Variants in ABCA8 observed in about 807,000 individuals in gnomAD.
The protein encoded by ABCA8 is ABC-type organic anion transporter ABCA8.
A neutral mutation model predicts 192.3 loss-of-function variants in ABCA8; 177 were observed. The ratio of observed to expected loss-of-function variants is 0.92; its 90% CI spans 0.81 to 1.04. The LOEUF is 1.04. Among genes scored for constraint, ABCA8 ranks in the 50% least tolerant of loss-of-function variants. ABCA8 has a pLI of 0.00. For missense variants in ABCA8, 1,915 were observed against 1,904.8 expected, an observed-to-expected ratio of 1.01 and a Z score of -0.10; for synonymous variants, 642 against 690.2, an observed-to-expected ratio of 0.93 and a Z score of 1.09.
intron 4 of ABCA8, among the ~76,000 whole-genome samples, chr17:68,940,421 TCA>T (rs1162931258): frequency 6.6e-6 from 1 of 152,048 alleles, no homozygotes; most frequent in Non-Finnish European, 1.5e-5. Flanking sequence ...GCTTTCAGAG[TCA>T]CATGTCAACA....
At chr17:68,904,887 A>G (rs1296210693) in intron 19 of ABCA8, among the ~76,000 whole-genome samples, 1 of 152,244 alleles carries the variant, frequency 6.6e-6, no homozygotes, top group Non-Finnish European at 1.5e-5. Flanking sequence ...AGAGATGTAT[A>G]CTAACAAATA....
At position 68,929,118 on chromosome 17, in the gene ABCA8, G is replaced by A; in HGVS notation, c.1056C>T (p.His352=). The A allele has an allele frequency of 6.2e-7, 1 of 1,608,900 alleles. No individual in the cohort carries two copies. The highest frequency in any genetic ancestry group is 1.1e-5 in the South Asian group (1 of 89,844). Residue 352 remains histidine, a synonymous_variant, in exon 9 of 40, where the codon CAC becomes CAT. Coordinates refer to ENST00000586539, the MANE Select transcript of ABCA8 (RefSeq NM_001288985.2). ...GCLGFTSLYR[H]LPASLEWILS... is the part of the protein sequence containing the mutation. ...AAATCCACTCCAAGGATGCAGGAAGGTGTCTGTACAGTGATGTGAACCCCA... is the reference window on the plus strand; with the variant it reads ...AAATCCACTCCAAGGATGCAGGAAGATGTCTGTACAGTGATGTGAACCCCA...
At chr17:68,942,621 G>A (rs1027495715) in intron 2 of ABCA8, among the ~76,000 whole-genome samples, 7 of 151,510 alleles carry the variant, frequency 4.6e-5, no homozygotes, top group Non-Finnish European at 8.8e-5. Context: ...TCCTTTGGCC[G>A]TCCTGTTGCA....
chr17:68,932,890 C>T (rs535244633), intron 6 of ABCA8, among the ~76,000 whole-genome samples: 1 of 152,294 alleles, frequency 6.6e-6, no homozygotes, highest in East Asian at 1.9e-4. Flanking sequence ...TACTCATTTA[C>T]TTATGAGGAC....
chr17:68,946,316 T>G (rs1234173664), intron 2 of ABCA8, among the ~76,000 whole-genome samples: 1 of 152,152 alleles, frequency 6.6e-6, no homozygotes, highest in Non-Finnish European at 1.5e-5. Context: ...TCTGCCCACG[T>G]TGGCCTCCCA....
At chr17:68,869,247 G>A (rs1407469585) in intron 38 of ABCA8, among the ~76,000 whole-genome samples, 1 of 152,144 alleles carries the variant, frequency 6.6e-6, no homozygotes, top group East Asian at 1.9e-4. Context: ...ACAGATGCAG[G>A]GAAGTTAGTT....
chr17:68,883,938 CAA>C, intron 28 of ABCA8, 56 bp from the exon 29 acceptor site: 1 of 1,121,026 alleles, frequency 8.9e-7, no homozygotes, highest in Non-Finnish European at 1.3e-6. Context: ...TGTTCAATAT[CAA>C]AGATATACTA....
chr17:68,884,532 A>G (rs1224625530), intron 27 of ABCA8, 136 bp from the exon 28 acceptor site: 15 of 1,353,642 alleles, frequency 1.1e-5, no homozygotes, highest in Non-Finnish European at 1.0e-5. Flanking sequence ...TCTAAAGTGT[A>G]TAGCAAGGGG....
At chr17:68,903,597 C>T in intron 19 of ABCA8, 98 bp from the exon 20 acceptor site, 2 of 1,082,742 alleles carry the variant, frequency 1.8e-6, no homozygotes, top group East Asian at 4.9e-5. Flanking sequence ...TTCCGCGTTA[C>T]TATAGGTATA....
At chr17:68,945,240 T>C in intron 2 of ABCA8, among the ~76,000 whole-genome samples, 1 of 152,304 alleles carries the variant, frequency 6.6e-6, no homozygotes, top group South Asian at 2.1e-4. Flanking sequence ...GAATTTGTGT[T>C]GTCTGTTGTC....
At chr17:68,884,450 G>T (rs1598196960) in intron 27 of ABCA8, 54 bp from the exon 28 acceptor site, 15 of 1,532,834 alleles carry the variant, frequency 9.8e-6, no homozygotes, top group Non-Finnish European at 1.3e-5. Flanking sequence ...CCTGAATTTT[G>T]TCCACATATA....
intron 27 of ABCA8, chr17:68,884,663 C>T: frequency 8.6e-7 from 1 of 1,158,050 alleles, no homozygotes; most frequent in African/African-American, 1.6e-5. Flanking sequence ...CAGTGAGAGA[C>T]AGTGTTTATT....
At chr17:68,945,336 T>TC (rs897505574) in intron 2 of ABCA8, among the ~76,000 whole-genome samples, 7 of 151,870 alleles carry the variant, frequency 4.6e-5, no homozygotes, top group Non-Finnish European at 7.4e-5. Flanking sequence ...TCAGTTGATT[T>TC]TTTTTTGTCA....
chr17:68,944,316 T>TAATATATATA lies in ABCA8; in HGVS notation c.-5-2278_-5-2277insTATATATATT, dbSNP rs1226746677. Among the ~76,000 whole-genome samples, 60 of 29,262 alleles carry TAATATATATA rather than the reference T, an allele frequency of 2.1e-3. 4 individuals are homozygous for TAATATATATA. Among genetic ancestry groups the TAATATATATA allele is most frequent in the African/African-American group, 2.5e-3 (18 of 7,130 alleles). The allele number at this position is 29,262 out of a possible 152,430, so 19.2% of individuals were successfully genotyped here. A position where few individuals can be genotyped will look rare whatever the true frequency, so the allele number is the denominator to read the frequency against. On this transcript the variant is annotated intron_variant, in intron 2 of 39. Transcript: ENST00000586539. ...AGCACATGTAGCCCAGAACTTAAAGTTATATATATATATATATATATATAT... is the reference window on the plus strand; with the variant it reads ...AGCACATGTAGCCCAGAACTTAAAGTAATATATATATATATATATATATATATATATATAT...
chr17:68,880,798 G>T, intron 32 of ABCA8: 1 of 342,934 alleles, frequency 2.9e-6, no homozygotes, highest in South Asian at 3.0e-5. Context: ...TTGGGATCCA[G>T]GCTGGTGGCA....
rs2068329423 is a variant in ABCA8 at position 68,944,355 on chromosome 17, T to TAC, written c.-5-2317_-5-2316insGT. Reference sequence around the variant, plus strand: ...ATATATATATATATATATATATATATATATACACATATACATACATATGCA... The same window carrying TAC: ...ATATATATATATATATATATATATATACATATACACATATACATACATATGCA... On this transcript the variant is annotated intron_variant, in intron 2 of 39. Transcript: ENST00000586539. 1.8e-4 allele frequency among the ~76,000 whole-genome samples: 16 copies of TAC among 89,004 alleles called. 2 individuals carry two copies. Among genetic ancestry groups the TAC allele is most frequent in the African/African-American group, 6.3e-4 (14 of 22,218 alleles). The allele number at this position is 89,004 out of a possible 152,430, so 58.4% of individuals were successfully genotyped here.
At chr17:68,907,060 G>A (rs1312723185) in intron 18 of ABCA8, among the ~76,000 whole-genome samples, 1 of 152,088 alleles carries the variant, frequency 6.6e-6, no homozygotes, top group African/African-American at 2.4e-5. Flanking sequence ...AGCTAATAAT[G>A]AGTATTATGC....
intron 12 of ABCA8, 58 bp downstream of exon 12, chr17:68,922,184 T>TTCTCTC: frequency 1.1e-6 from 1 of 874,228 alleles, no homozygotes; most frequent in Non-Finnish European, 1.5e-6. Flanking sequence ...AATATTTTCT[T>TTCTCTC]TCTCTCTCTC....
intron 17 of ABCA8, 94 bp downstream of exon 17, chr17:68,917,267 C>T (rs1408227880): frequency 3.9e-6 from 3 of 774,482 alleles, no homozygotes; most frequent in Non-Finnish European, 6.2e-6. Context: ...CAAAAAATAA[C>T]AATAATACAA....
Sources: allele counts gnomAD v4.1 joint callset (sites outside exome capture counted in the v4.1 genomes callset), GRCh38; gene constraint gnomAD v4.1.1; transcripts MANE v1.5; gene names NCBI Gene and HGNC (gene_info 2026-07-23, HGNC 2026-07-21).